HSF5: variants seen among roughly 807,000 people sequenced by gnomAD.
HSF5 encodes the protein heat shock transcription factor 5.
In HSF5, 5 loss-of-function variants were observed where a neutral mutation model predicts 50.8. The observed-to-expected ratio is 0.10, with a 90% confidence interval of 0.05 to 0.21. HSF5 has a LOEUF of 0.21. Ranked by LOEUF, HSF5 falls within the 10% of genes least tolerant of loss-of-function variation. HSF5 has a pLI of 1.00. For synonymous variants in HSF5, 307 were observed against 307.4 expected (o/e 1.00, Z 0.02); for missense variants, 564 against 762.6 (o/e 0.74, Z 3.07).
chr17:58,457,618 C>T (rs1456304160), intron 5 of HSF5, among the ~76,000 whole-genome samples: 1 of 152,084 alleles, frequency 6.6e-6, no homozygotes. Context: ...AAAAATAAAA[C>T]AAATTTATAT....
intron 2 of HSF5, among the ~76,000 whole-genome samples, chr17:58,473,830 C>T (rs993172441): frequency 6.6e-6 from 1 of 152,032 alleles, no homozygotes; most frequent in African/African-American, 2.4e-5. Context: ...ACTGGTTATA[C>T]TATTTGAAGA....
intron 2 of HSF5, 61 bp from the exon 3 acceptor site, chr17:58,467,040 G>A: frequency 9.4e-7 from 1 of 1,059,818 alleles, no homozygotes; most frequent in East Asian, 2.4e-5. Context: ...AGCATTCAAG[G>A]AGCTCCCCTC....
At chr17:58,457,788 G>C (rs1254144475) in intron 5 of HSF5, among the ~76,000 whole-genome samples, 1 of 152,174 alleles carries the variant, frequency 6.6e-6, no homozygotes, top group East Asian at 1.9e-4. Context: ...TCATGCCATT[G>C]TGTTAAACAC....
chr17:58,462,074 C>T (rs1025894117), intron 4 of HSF5, among the ~76,000 whole-genome samples: 2 of 152,284 alleles, frequency 1.3e-5, no homozygotes, highest in Admixed American at 1.3e-4. Flanking sequence ...TATTATTCCA[C>T]ATTGTATGTT....
intron 5 of HSF5, among the ~76,000 whole-genome samples, chr17:58,427,281 A>G (rs1245543793): frequency 6.6e-6 from 1 of 152,110 alleles, no homozygotes; most frequent in Non-Finnish European, 1.5e-5. Context: ...AAATAAAAAT[A>G]AAAATGTCAA....
chr17:58,456,565 A>G (rs2143771483), intron 5 of HSF5, among the ~76,000 whole-genome samples: 1 of 152,320 alleles, frequency 6.6e-6, no homozygotes, highest in South Asian at 2.1e-4. Context: ...TTAGAGTGTT[A>G]TCACCACAAA....
chr17:58,426,956 GA>G (rs544475792), intron 5 of HSF5, among the ~76,000 whole-genome samples: 4 of 151,120 alleles, frequency 2.6e-5, no homozygotes, highest in African/African-American at 4.9e-5. Flanking sequence ...AGTCTCTTAT[GA>G]AAAAAAAATG....
At chr17:58,482,897 G>A (rs1975118662) in intron 1 of HSF5, among the ~76,000 whole-genome samples, 1 of 149,700 alleles carries the variant, frequency 6.7e-6, no homozygotes, top group South Asian at 2.1e-4. Flanking sequence ...CCATGTTCAT[G>A]CCACTGAACT....
intron 2 of HSF5, chr17:58,476,079 G>A (rs1598200758): frequency 1.6e-6 from 1 of 607,298 alleles, no homozygotes; most frequent in Non-Finnish European, 2.7e-6. Context: ...TGCTCCCAAG[G>A]ACTGGAGAAA....
In HSF5 at chr17:58,488,276, G is replaced by A; in HGVS notation, c.-2C>T. 1.4e-6 allele frequency: 2 copies of A among 1,460,822 alleles called. No individual in the cohort carries two copies. The highest frequency in any genetic ancestry group is 1.8e-6 in the Non-Finnish European group (2 of 1,119,826). The allele number at this position is 1,460,822 out of a possible 1,614,324, so 90.5% of individuals were successfully genotyped here. A position where few individuals can be genotyped will look rare whatever the true frequency, so the allele number is the denominator to read the frequency against. ...GGGGGTGGAGAGCAGCGCCTCCATC[G>A]CCCCGCCGGGCCGGGGCCTCGCCCC... On this transcript the variant is annotated 5_prime_UTR_variant, in exon 1 of 6. Coordinates refer to ENST00000323777, the MANE Select transcript of HSF5 (RefSeq NM_001080439.3). The surrounding 1 kb of genome is among the most constrained non-coding windows in gnomAD (Gnocchi z 4.1).
rs894371365 is a variant in HSF5, at chr17:58,471,914, C to T, written c.926-4935G>A. On this transcript the variant is annotated intron_variant, in intron 2 of 5. Coordinates refer to ENST00000323777, the MANE Select transcript of HSF5 (RefSeq NM_001080439.3). The stretch of plus-strand genomic sequence containing the variant: ...TGTTGCCGAGGCGGGAGTGCAGTGG[C>T]GCGATCTCAGCTCACTGCAGCCTCG... 1.4e-4 allele frequency among the ~76,000 whole-genome samples: 22 copies of T among 152,032 alleles called. 1 individual carries two copies. The highest frequency in any genetic ancestry group is 2.2e-4 in the Non-Finnish European group (15 of 68,008).
At chr17:58,449,084 C>T (rs1974600188) in intron 5 of HSF5, among the ~76,000 whole-genome samples, 1 of 152,112 alleles carries the variant, frequency 6.6e-6, no homozygotes, top group African/African-American at 2.4e-5. Flanking sequence ...TAAATTATAA[C>T]TGTAAGATGT....
chr17:58,442,158 G>A (rs1406335524), intron 5 of HSF5, among the ~76,000 whole-genome samples: 2 of 152,172 alleles, frequency 1.3e-5, no homozygotes, highest in Non-Finnish European at 2.9e-5. Context: ...TCAAAGCAGT[G>A]GATTTGGCAG....
chr17:58,444,597 C>T (rs900793716), intron 5 of HSF5, among the ~76,000 whole-genome samples: 1 of 152,040 alleles, frequency 6.6e-6, no homozygotes, highest in Non-Finnish European at 1.5e-5. Context: ...GGATTAAAGA[C>T]CTAAATGTAA....
At chr17:58,475,697 T>C (rs1773845942) in intron 2 of HSF5, among the ~76,000 whole-genome samples, 1 of 152,166 alleles carries the variant, frequency 6.6e-6, no homozygotes, top group Non-Finnish European at 1.5e-5. Flanking sequence ...CAAGAGAAAG[T>C]AGACAGATAC....
At position 58,488,107 on chromosome 17, in the gene HSF5, C is replaced by A. The variant is rs1168060251; in HGVS notation, c.168G>T (p.Pro56=). Residue 56 remains proline (P), a synonymous_variant, in exon 1 of 6, where the codon CCG becomes CCT. Transcript: ENST00000323777. The surrounding 1 kb of genome is among the most constrained non-coding windows in gnomAD (Gnocchi z 4.1). ...FEAELLSPPG[P]GGGGGTAGAG... is the part of the protein sequence containing the mutation. ...CCCCCGCAGTCCCGCCACCGCCCCC[C>A]GGCCCGGGCGGGCTGAGCAGCTCGG... The A allele has an allele frequency of 6.4e-7, 1 of 1,572,064 alleles. No homozygotes were observed.
At chr17:58,469,223 T>C (rs1188304465) in intron 2 of HSF5, among the ~76,000 whole-genome samples, 2 of 152,174 alleles carry the variant, frequency 1.3e-5, no homozygotes, top group Non-Finnish European at 2.9e-5. Context: ...AAGCTGTGTT[T>C]CATTACAAAT....
Position 58,487,745 on chromosome 17 carries a change from C to T in HSF5, c.530G>A (p.Gly177Glu). 1 of 1,384,688 alleles carries T rather than the reference C, an allele frequency of 7.2e-7. No individual in the cohort carries two copies. Among genetic ancestry groups the T allele is most frequent in the South Asian group, 1.7e-5 (1 of 58,710 alleles). The allele number at this position is 1,384,688 out of a possible 1,614,324, so 85.8% of individuals were successfully genotyped here. A position where few individuals can be genotyped will look rare whatever the true frequency, so the allele number is the denominator to read the frequency against. The change falls in exon 1 of 6, where the codon GGG becomes GAG. Residue 177 changes from glycine (G) to glutamate (E), a missense_variant. Transcript: ENST00000323777. Reference protein sequence around the residue: ...LQHQQPPPPAGPRPEPHGPVA... With the variant: ...LQHQQPPPPAEPRPEPHGPVA... Reference sequence around the variant, plus strand: ...CTCACCGTGCGGCTCGGGCCGGGGCCCCGCGGGCGGCGGCGGCTGCTGGTG... The same window carrying T: ...CTCACCGTGCGGCTCGGGCCGGGGCTCCGCGGGCGGCGGCGGCTGCTGGTG...
At chr17:58,471,254 G>T (rs553904105) in intron 2 of HSF5, among the ~76,000 whole-genome samples, 1 of 152,264 alleles carries the variant, frequency 6.6e-6, no homozygotes, top group Non-Finnish European at 1.5e-5. Flanking sequence ...AGGTAAATAT[G>T]ATTGTATTTT....
Sources: gnomAD v4.1 joint callset for allele counts (sites outside exome capture counted in the v4.1 genomes callset) on GRCh38, gnomAD v4.1.1 for gene constraint, Gnocchi (gnomAD v3.1) non-coding constraint, MANE v1.5 for transcripts, NCBI Gene and HGNC (gene_info 2026-07-23, HGNC 2026-07-21) for gene names.